The following ZNF227 variants were observed in gnomAD, a reference collection of about 807,000 sequenced individuals.
ZNF227 encodes zinc finger protein 227.
In ZNF227, 12 loss-of-function variants were observed where a neutral mutation model predicts 13.2. The observed-to-expected ratio is 0.91, with a 90% confidence interval of 0.58 to 1.47. The LOEUF (loss-of-function observed/expected upper bound fraction) is 1.47. ZNF227 is among the 40% of genes most tolerant of loss of function. The pLI is 0.00. For missense variants in ZNF227, 885 were observed against 967.5 expected, an observed-to-expected ratio of 0.91 and a Z score of 1.13; for synonymous variants, 338 against 326.0, an observed-to-expected ratio of 1.04 and a Z score of -0.40.
At position 44,234,974 on chromosome 19, in the gene ZNF227, T is replaced by C. The variant is rs774462682; in HGVS notation, c.544T>C (p.Tyr182His). 3 of 1,614,168 alleles carry C rather than the reference T, an allele frequency of 1.9e-6. No homozygotes were observed. In the South Asian group the frequency reaches 3.3e-5, roughly 18 times the overall value. The change falls in exon 6 of 6, where the codon TAT becomes CAT. Residue 182 changes from tyrosine to histidine, a missense_variant. Physicochemically the swap from Tyr to His is moderately conservative, Grantham distance 83. Coordinates refer to ENST00000313040, the MANE Select transcript of ZNF227 (RefSeq NM_182490.3). ...AACCCAGCATTCTTGCGGGAATACATATCTGAGTGAGTCACAGATTCAGAG... is the reference window on the plus strand; with the variant it reads ...AACCCAGCATTCTTGCGGGAATACACATCTGAGTGAGTCACAGATTCAGAG... Reference protein sequence around the residue: ...WRTQHSCGNTYLSESQIQSRG... With the variant: ...WRTQHSCGNTHLSESQIQSRG...
chr19:44,229,848 T>C (rs1208913563), intron 5 of ZNF227, 32 bp downstream of exon 5: 6 of 1,476,390 alleles, frequency 4.1e-6, no homozygotes, highest in Non-Finnish European at 5.5e-6. Flanking sequence ...CTGTGTCTGT[T>C]CTTTCAGGTA....
chr19:44,221,206 G>T (rs1599792228), intron 3 of ZNF227, among the ~76,000 whole-genome samples: 2 of 151,994 alleles, frequency 1.3e-5, no homozygotes, highest in South Asian at 4.2e-4. Context: ...CATGTCCTTT[G>T]TAGGGACATG....
At chr19:44,227,263 A>G (rs1320208632) in intron 3 of ZNF227, 1 of 152,162 alleles carries the variant, frequency 6.6e-6, no homozygotes, top group Middle Eastern at 3.2e-3. Flanking sequence ...TATTTATTTT[A>G]AGACAGTGTC....
chr19:44,229,913 T>C (rs1973610265), intron 5 of ZNF227, 97 bp downstream of exon 5: 1 of 746,732 alleles, frequency 1.3e-6, no homozygotes. Context: ...AGTGTTAAAA[T>C]CTTTCACCTG....
At chr19:44,222,949 AT>A (rs1972710211) in intron 3 of ZNF227, among the ~76,000 whole-genome samples, 1 of 151,290 alleles carries the variant, frequency 6.6e-6, no homozygotes, top group African/African-American at 2.4e-5. Context: ...TCAATACCTA[AT>A]TTATTGAGAG....
intron 3 of ZNF227, among the ~76,000 whole-genome samples, chr19:44,226,806 C>T (rs1176968551): frequency 6.6e-6 from 1 of 152,156 alleles, no homozygotes; most frequent in African/African-American, 2.4e-5. Context: ...GTCTGGCACT[C>T]CCTAGTGAGA....
chr19:44,218,656 T>C (rs953857660), intron 3 of ZNF227, among the ~76,000 whole-genome samples: 1 of 152,246 alleles, frequency 6.6e-6, no homozygotes, highest in Non-Finnish European at 1.5e-5. Flanking sequence ...CCATCTGTCA[T>C]TGCATTTTTC....
At position 44,234,860 on chromosome 19, in the gene ZNF227, A is replaced by G. The variant is rs1429587182; in HGVS notation, c.430A>G (p.Ile144Val). The change falls in exon 6 of 6, where the codon ATT (isoleucine) becomes GTT (valine). Residue 144 changes from isoleucine (I) to valine (V), a missense_variant. By Grantham distance (29) the Ile-to-Val change is conservative. Transcript: ENST00000313040. ...TTCCCAGTTATTACAAGGTGACTCTATTCAGGTTTCTGAAAATGAGAACAA... is the reference window on the plus strand; with the variant it reads ...TTCCCAGTTATTACAAGGTGACTCTGTTCAGGTTTCTGAAAATGAGAACAA... ...KSSQLLQGDS[I>V]QVSENENNIM... 6.2e-7 allele frequency: 1 copy of G among 1,614,000 alleles called. No individual in the cohort carries two copies. Among genetic ancestry groups the G allele is most frequent in the Admixed American group, 1.7e-5 (1 of 59,982 alleles).
intron 5 of ZNF227, among the ~76,000 whole-genome samples, chr19:44,231,564 A>G (rs1224227058): frequency 6.6e-6 from 1 of 152,076 alleles, no homozygotes; most frequent in East Asian, 1.9e-4. Context: ...AACTCCTGAG[A>G]TCGTGGTCCA....
intron 4 of ZNF227, chr19:44,228,791 C>A (rs1973467060): frequency 2.0e-6 from 1 of 506,622 alleles, no homozygotes. Flanking sequence ...TGATTTCGCC[C>A]CCAGAAGATA....
chr19:44,228,375 C>T, intron 3 of ZNF227, 71 bp from the exon 4 acceptor site: 2 of 1,541,644 alleles, frequency 1.3e-6, no homozygotes, highest in Non-Finnish European at 1.7e-6. Context: ...TGCTCTTTTC[C>T]TTCTTGATGC....
At chr19:44,217,895 T>G (rs1972064500) in intron 3 of ZNF227, 43 bp downstream of exon 3, 1 of 1,601,400 alleles carries the variant, frequency 6.2e-7, no homozygotes, top group East Asian at 2.2e-5. Flanking sequence ...TGTGATTTAT[T>G]TCTCAAAGAT....
At chr19:44,216,958 GTTTTTTTTTTTT>G (rs35474532) in intron 2 of ZNF227, among the ~76,000 whole-genome samples, 2 of 91,646 alleles carry the variant, frequency 2.2e-5, no homozygotes, top group Admixed American at 1.4e-4. Context: ...TCATCTGCTT[GTTTTTTTTTTTT>G]TTTTTTTTTT....
intron 3 of ZNF227, among the ~76,000 whole-genome samples, chr19:44,225,454 CT>C (rs1162236055): frequency 1.3e-5 from 2 of 152,172 alleles, no homozygotes; most frequent in African/African-American, 2.4e-5. Context: ...TTCTTGGAGG[CT>C]TTGTTCGTTT....
rs1202973646 is a variant in ZNF227, at chr19:44,234,682, C to A, written c.272-20C>A. The A allele has an allele frequency of 6.4e-7, 1 of 1,553,370 alleles. No homozygotes were observed. Among genetic ancestry groups the A allele is most frequent in the African/African-American group, 1.4e-5 (1 of 72,334 alleles). On this transcript the variant is annotated intron_variant, in intron 5 of 5. Coordinates refer to ENST00000313040, the MANE Select transcript of ZNF227 (RefSeq NM_182490.3). ...TTACTGCCCTCATCTCTAAATATTG[C>A]CTTTTTTCTTTTTTAATAGGCAGCA...
chr19:44,219,250 C>T (rs1227586339), intron 3 of ZNF227, among the ~76,000 whole-genome samples: 2 of 150,258 alleles, frequency 1.3e-5, no homozygotes, highest in African/African-American at 5.0e-5. Context: ...ATCTCAATTA[C>T]TGTCTCTTCT....
intron 3 of ZNF227, among the ~76,000 whole-genome samples, chr19:44,220,662 A>T (rs2122735292): frequency 6.6e-6 from 1 of 152,056 alleles, no homozygotes; most frequent in African/African-American, 2.4e-5. Context: ...TTTTTTTAAA[A>T]TTTTATTATT....
chr19:44,228,153 C>G lies in ZNF227; in HGVS notation c.61-293C>G, dbSNP rs528301296. ...GGCTAAGGCAGGAGAATCTCTTGAA[C>G]CCGGGAGGCGGAGGTTGCAGTGAGC... On this transcript the variant is annotated intron_variant, in intron 3 of 5. Coordinates refer to ENST00000313040, the MANE Select transcript of ZNF227 (RefSeq NM_182490.3). 3.2e-5 allele frequency: 7 copies of G among 220,844 alleles called. No homozygotes were observed. The South Asian group carries it at 7.3e-4, about 23-fold the overall frequency. The allele number at this position is 220,844 out of a possible 1,614,324, so 13.7% of individuals were successfully genotyped here.
In ZNF227 at chr19:44,236,892, A is replaced by T. The variant is rs576621281; in HGVS notation, c.*62A>T. On this transcript the variant is annotated 3_prime_UTR_variant, in exon 6 of 6. Coordinates refer to ENST00000313040, the MANE Select transcript of ZNF227 (RefSeq NM_182490.3). ...ACATCTTCAAGTTTTTGGCTAGTCC[A>T]TGCTGGTGGTAAACCCTGTAAAACT... 8 of 1,397,500 alleles carry T rather than the reference A, an allele frequency of 5.7e-6. No individual in the cohort carries two copies. Among genetic ancestry groups the T allele is most frequent in the East Asian group, 4.6e-5 (2 of 43,264 alleles). 86.6% of individuals were successfully genotyped at this position (1,397,500 alleles called of 1,614,324 possible). A position where few individuals can be genotyped will look rare whatever the true frequency, so the allele number is the denominator to read the frequency against.
Sources: gnomAD v4.1 joint callset for allele counts (sites outside exome capture counted in the v4.1 genomes callset) on GRCh38, gnomAD v4.1.1 for gene constraint, MANE v1.5 for transcripts, NCBI Gene and HGNC (gene_info 2026-07-23, HGNC 2026-07-21) for gene names.